DSCAM: variants seen among roughly 807,000 people sequenced by gnomAD.
DSCAM encodes the protein DS cell adhesion molecule, also known as cell adhesion molecule DSCAM.
DSCAM carries 47 observed loss-of-function variants against 217.7 expected under a neutral mutation model. The ratio of observed to expected loss-of-function variants is 0.22; its 90% CI spans 0.17 to 0.28. The LOEUF (loss-of-function observed/expected upper bound fraction) is 0.28. DSCAM is among the 10% of genes least tolerant of loss of function. DSCAM has a pLI of 1.00. For synonymous variants in DSCAM, 1,056 were observed against 1,015.3 expected (o/e 1.04, Z -0.76); for missense variants, 2,080 against 2,618.3 (o/e 0.79, Z 4.49).
At chr21:40,250,669 G>C (rs2073291100) in intron 11 of DSCAM, among the ~76,000 whole-genome samples, 1 of 152,196 alleles carries the variant, frequency 6.6e-6, no homozygotes, top group South Asian at 2.1e-4. Context: ...CTTTCCTGAA[G>C]TGGCAGCGAC....
chr21:40,636,357 G>T (rs1343610328), intron 3 of DSCAM, among the ~76,000 whole-genome samples: 1 of 151,918 alleles, frequency 6.6e-6, no homozygotes, highest in African/African-American at 2.4e-5. Flanking sequence ...CAACCAAGAG[G>T]TTAAATATTA....
chr21:40,109,126 C>T (rs552040816), intron 20 of DSCAM, among the ~76,000 whole-genome samples: 29 of 152,082 alleles, frequency 1.9e-4, no homozygotes, highest in Non-Finnish European at 1.0e-4. Flanking sequence ...AAAAGCAATT[C>T]GCAACAACAA....
chr21:40,761,049 AC>A (rs937231869), intron 1 of DSCAM, among the ~76,000 whole-genome samples: 6 of 152,170 alleles, frequency 3.9e-5, no homozygotes, highest in African/African-American at 1.2e-4. Context: ...TTGAATTTCT[AC>A]CCTCACCTAA....
At position 40,846,768 on chromosome 21, in the gene DSCAM, C is replaced by CCCGCCCG. The variant is rs1230043029; in HGVS notation, c.-114_-108dup. The stretch of plus-strand genomic sequence containing the variant: ...CTCGGCACCTGCCCGGGGGCCGCCG[C>CCCGCCCG]CCGCCCGCCGCCCGCCGCCGCCGCC... On this transcript the variant is annotated 5_prime_UTR_variant, in exon 1 of 33. Coordinates refer to ENST00000400454, the MANE Select transcript of DSCAM (RefSeq NM_001389.5). 4.5e-4 allele frequency: 194 copies of CCCGCCCG among 431,860 alleles called. No homozygotes were observed. The highest frequency in any genetic ancestry group is 3.2e-3 in the African/African-American group (147 of 46,128). The allele number at this position is 431,860 out of a possible 1,614,324, so 26.8% of individuals were successfully genotyped here. A position where few individuals can be genotyped will look rare whatever the true frequency, so the allele number is the denominator to read the frequency against.
chr21:40,700,829 T>C (rs1260995949), intron 2 of DSCAM, among the ~76,000 whole-genome samples: 1 of 151,586 alleles, frequency 6.6e-6, no homozygotes, highest in East Asian at 1.9e-4. Context: ...CTTCGCCTCC[T>C]GGGTTCAAGC....
At chr21:40,178,623 C>T (rs938409474) in intron 15 of DSCAM, among the ~76,000 whole-genome samples, 27 of 152,110 alleles carry the variant, frequency 1.8e-4, no homozygotes, top group Non-Finnish European at 3.8e-4. Context: ...TTCCATGTGT[C>T]CAAACAAAGG....
chr21:40,341,118 C>T (rs1391606989), intron 6 of DSCAM, among the ~76,000 whole-genome samples: 1 of 152,188 alleles, frequency 6.6e-6, no homozygotes, highest in Non-Finnish European at 1.5e-5. Context: ...GGGTTGTAAG[C>T]ATTTTGTCTC....
intron 11 of DSCAM, among the ~76,000 whole-genome samples, chr21:40,266,635 TTATATATATATATA>T (rs71186923): frequency 6.4e-5 from 4 of 62,626 alleles, no homozygotes; most frequent in South Asian, 8.1e-4. Flanking sequence ...CAAAGATGTT[TTATATATATATATA>T]TATATATATA....
intron 3 of DSCAM, among the ~76,000 whole-genome samples, chr21:40,578,737 C>T (rs1029900958): frequency 6.6e-6 from 1 of 152,016 alleles, no homozygotes; most frequent in Non-Finnish European, 1.5e-5. Context: ...CTGAAGTCAG[C>T]GAGAACAAGA....
intron 1 of DSCAM, among the ~76,000 whole-genome samples, chr21:40,759,073 G>A (rs183073475): frequency 6.6e-6 from 1 of 152,234 alleles, no homozygotes; most frequent in African/African-American, 2.4e-5. Flanking sequence ...GTAGTGAGGA[G>A]GCACAAAAAG....
At chr21:40,620,186 AAAG>A (rs1193640267) in intron 3 of DSCAM, among the ~76,000 whole-genome samples, 1 of 139,988 alleles carries the variant, frequency 7.1e-6, no homozygotes, top group Non-Finnish European at 1.6e-5. Context: ...GAGAGAGAAA[AAAG>A]AAAAAGAAAG....
intron 32 of DSCAM, among the ~76,000 whole-genome samples, chr21:40,022,950 C>A (rs1280060320): frequency 1.3e-5 from 2 of 151,570 alleles, no homozygotes; most frequent in Non-Finnish European, 2.9e-5. Context: ...TATACATGTG[C>A]CATGCTGGTG....
chr21:40,287,787 G>C (rs2073845921), intron 10 of DSCAM, among the ~76,000 whole-genome samples: 1 of 152,156 alleles, frequency 6.6e-6, no homozygotes. Flanking sequence ...GGGGGACTGT[G>C]CGTGGTGAGT....
intron 3 of DSCAM, among the ~76,000 whole-genome samples, chr21:40,516,978 TATATATATACATATATATACACC>T (rs1044243967): frequency 2.0e-5 from 3 of 147,618 alleles, no homozygotes; most frequent in African/African-American, 7.4e-5. Context: ...ATACATATAT[TATATATATACATATATATACACC>T]ATATATATAC....
chr21:40,212,000 T>C (rs752813531), intron 11 of DSCAM, among the ~76,000 whole-genome samples: 23 of 151,932 alleles, frequency 1.5e-4, no homozygotes, highest in Non-Finnish European at 2.6e-4. Context: ...GAGGGAGTCT[T>C]GCTCTGTTGC....
intron 1 of DSCAM, among the ~76,000 whole-genome samples, chr21:40,781,208 T>A (rs1001198328): frequency 6.6e-6 from 1 of 152,012 alleles, no homozygotes; most frequent in African/African-American, 2.4e-5. Flanking sequence ...ATAGTAGAGA[T>A]GGGGTTTCAC....
intron 3 of DSCAM, among the ~76,000 whole-genome samples, chr21:40,590,642 TA>T (rs1601770775): frequency 6.6e-6 from 1 of 152,218 alleles, no homozygotes; most frequent in South Asian, 2.1e-4. Flanking sequence ...ACTATTACTT[TA>T]AAAAATAAAT....
rs1274550827 is a variant in DSCAM, at chr21:40,083,720, G to C, written c.4231+188C>G. Among the ~76,000 whole-genome samples the C allele has an allele frequency of 4.6e-5, 7 of 152,238 alleles. No individual in the cohort carries two copies. In the South Asian group the frequency reaches 1.5e-3, roughly 32 times the overall value. On this transcript the variant is annotated intron_variant, in intron 24 of 32. Coordinates refer to ENST00000400454, the MANE Select transcript of DSCAM (RefSeq NM_001389.5). The stretch of plus-strand genomic sequence containing the variant: ...ATGAGCATCCTTGGATGAATGATTT[G>C]AATTTCAACAAATATCCTAAAAATA...
At chr21:40,027,023 C>T (rs1213602444) in intron 32 of DSCAM, among the ~76,000 whole-genome samples, 1 of 152,302 alleles carries the variant, frequency 6.6e-6, no homozygotes, top group Non-Finnish European at 1.5e-5. Context: ...ACCGGTTGTT[C>T]CTTTCCATGT....
Sources: gnomAD v4.1 joint callset for allele counts (sites outside exome capture counted in the v4.1 genomes callset) on GRCh38, gnomAD v4.1.1 for gene constraint, MANE v1.5 for transcripts, NCBI Gene and HGNC (gene_info 2026-07-23, HGNC 2026-07-21) for gene names.